TMEM131: variants seen among roughly 807,000 people sequenced by gnomAD.
TMEM131 encodes the protein 2610524E03Rik.
In TMEM131, 66 loss-of-function variants were observed where a neutral mutation model predicts 211.6. The observed-to-expected ratio is 0.31, with a 90% CI of 0.26 to 0.38. TMEM131 has a LOEUF of 0.38. Ranked by LOEUF, TMEM131 falls within the 10% of genes least tolerant of loss-of-function variation. The probability of loss-of-function intolerance (pLI) is 1.00; values close to 1 mark genes in which losing one functional copy is unlikely to be tolerated. For synonymous variants in TMEM131, 844 were observed against 841.3 expected, an observed-to-expected ratio of 1.00 and a Z score of -0.06; for missense variants, 2,036 against 2,299.3, an observed-to-expected ratio of 0.89 and a Z score of 2.34.
chr2:97,929,772 G>C (rs1677142485), intron 1 of TMEM131, among the ~76,000 whole-genome samples: 1 of 151,750 alleles, frequency 6.6e-6, no homozygotes, highest in South Asian at 2.1e-4. Flanking sequence ...AAGCATGAAT[G>C]ATGTCCCACC....
intron 8 of TMEM131, 107 bp from the exon 9 acceptor site, chr2:97,835,032 C>T: frequency 8.7e-7 from 1 of 1,146,552 alleles, no homozygotes; most frequent in Non-Finnish European, 1.2e-6. Context: ...ATTCTATATA[C>T]CTATTAATAA....
At chr2:97,838,270 C>A (rs892755977) in intron 7 of TMEM131, among the ~76,000 whole-genome samples, 15 of 151,816 alleles carry the variant, frequency 9.9e-5, no homozygotes, top group Non-Finnish European at 1.8e-4. Flanking sequence ...GGTAAGCTAA[C>A]CCTAATTCTT....
chr2:97,919,327 A>G (rs919251793), intron 2 of TMEM131, among the ~76,000 whole-genome samples: 7 of 152,224 alleles, frequency 4.6e-5, no homozygotes, highest in Admixed American at 6.5e-5. Context: ...CCTTTGGCAC[A>G]AATTTTCTGG....
At chr2:97,959,615 ACAC>A (rs778150364) in intron 1 of TMEM131, among the ~76,000 whole-genome samples, 6 of 152,128 alleles carry the variant, frequency 3.9e-5, no homozygotes, top group Admixed American at 6.5e-5. Flanking sequence ...CAGGCTACAG[ACAC>A]CACAACACTT....
intron 3 of TMEM131, among the ~76,000 whole-genome samples, chr2:97,903,038 T>C (rs1327175264): frequency 6.6e-6 from 1 of 152,216 alleles, no homozygotes; most frequent in East Asian, 1.9e-4. Context: ...CTAACAGTTC[T>C]GTCCCTCTAA....
intron 5 of TMEM131, among the ~76,000 whole-genome samples, chr2:97,849,374 C>T (rs1683590234): frequency 6.6e-6 from 1 of 152,124 alleles, no homozygotes; most frequent in African/African-American, 2.4e-5. Flanking sequence ...AAATACTATT[C>T]CATAATAATA....
intron 33 of TMEM131, 83 bp from the exon 34 acceptor site, chr2:97,766,685 C>A: frequency 6.6e-7 from 1 of 1,525,216 alleles, no homozygotes; most frequent in South Asian, 1.2e-5. Context: ...AATTCTTCTA[C>A]AATACAACTG....
At position 97,986,629 on chromosome 2, in the gene TMEM131, A is replaced by AC. The variant is rs558009430; in HGVS notation, c.187+8846dup. Among the ~76,000 whole-genome samples, 8 of 152,242 alleles carry AC rather than the reference A, an allele frequency of 5.3e-5. No homozygotes were observed. In the South Asian group the frequency reaches 1.7e-3, roughly 32 times the overall value. ...GAAGCCACCCAGAATAATGAGGTGG[A>AC]CCCCTAAATACCTAAGAACTCCCCT... On this transcript the variant is annotated intron_variant, in intron 1 of 40. Transcript: ENST00000186436.
intron 11 of TMEM131, 96 bp from the exon 12 acceptor site, chr2:97,818,817 T>C (rs766211550): frequency 1.3e-5 from 10 of 766,274 alleles, no homozygotes; most frequent in Non-Finnish European, 2.1e-5. Flanking sequence ...AAAAGTAAAG[T>C]GGACTCTAAA....
intron 1 of TMEM131, among the ~76,000 whole-genome samples, chr2:97,933,142 T>C (rs1032592452): frequency 6.6e-6 from 1 of 152,168 alleles, no homozygotes; most frequent in African/African-American, 2.4e-5. Flanking sequence ...GTTAGCACAA[T>C]GATTAAATGG....
chr2:97,935,663 A>G (rs1234996321), intron 1 of TMEM131, among the ~76,000 whole-genome samples: 1 of 152,240 alleles, frequency 6.6e-6, no homozygotes, highest in East Asian at 1.9e-4. Flanking sequence ...AGAAGAAGAA[A>G]AAAAAGCAAC....
Position 97,995,612 on chromosome 2 carries a change from G to C in TMEM131, c.51C>G (p.Val17=). ...CCAGCCCGGCCCCGGCGGACGTGGA[G>C]ACGGCGGCGGTGGTGGCTCCGGTTG... ...GGATGATTAA[V]STSAGAGLEP... Residue 17 remains valine, a synonymous_variant, in exon 1 of 41, where the codon GTC becomes GTG. Coordinates refer to ENST00000186436, the MANE Select transcript of TMEM131 (RefSeq NM_015348.2). 3.2e-6 allele frequency: 4 copies of C among 1,240,946 alleles called. No individual in the cohort carries two copies. The highest frequency in any genetic ancestry group is 1.6e-5 in the African/African-American group (1 of 63,942). 76.9% of individuals were successfully genotyped at this position (1,240,946 alleles called of 1,614,324 possible).
At chr2:97,926,744 A>G (rs992546143) in intron 2 of TMEM131, among the ~76,000 whole-genome samples, 12 of 152,180 alleles carry the variant, frequency 7.9e-5, no homozygotes, top group African/African-American at 2.9e-4. Flanking sequence ...TCTAGATACA[A>G]ATTAGCAGCC....
At chr2:97,992,970 A>G (rs1680328908) in intron 1 of TMEM131, among the ~76,000 whole-genome samples, 1 of 152,218 alleles carries the variant, frequency 6.6e-6, no homozygotes, top group African/African-American at 2.4e-5. Flanking sequence ...GCACACTCCC[A>G]TAGCTCAGTT....
At chr2:97,857,845 A>C in intron 5 of TMEM131, among the ~76,000 whole-genome samples, 1 of 152,230 alleles carries the variant, frequency 6.6e-6, no homozygotes, top group Non-Finnish European at 1.5e-5. Flanking sequence ...CAGCATTAGA[A>C]TTATATTGTT....
At chr2:97,980,918 C>T (rs1679759333) in intron 1 of TMEM131, among the ~76,000 whole-genome samples, 1 of 151,122 alleles carries the variant, frequency 6.6e-6, no homozygotes, top group South Asian at 2.1e-4. Flanking sequence ...CAGAAGTGGA[C>T]TATATGGAGA....
At chr2:97,824,087 C>T (rs1363376291) in intron 11 of TMEM131, among the ~76,000 whole-genome samples, 1 of 152,196 alleles carries the variant, frequency 6.6e-6, no homozygotes, top group African/African-American at 2.4e-5. Flanking sequence ...GCAGGCCAAT[C>T]ACCTGGTAGG....
intron 4 of TMEM131, among the ~76,000 whole-genome samples, chr2:97,873,665 G>A (rs999271037): frequency 2.0e-5 from 3 of 152,228 alleles, no homozygotes; most frequent in Admixed American, 2.0e-4. Flanking sequence ...GAGCCTGTCA[G>A]AAGGAAAACT....
At chr2:97,897,692 C>T (rs190372712) in intron 3 of TMEM131, among the ~76,000 whole-genome samples, 14 of 152,180 alleles carry the variant, frequency 9.2e-5, no homozygotes, top group Admixed American at 7.2e-4. Context: ...GAAGAGATGT[C>T]GCTTCTAGCT....
Sources: gnomAD v4.1 joint callset for allele counts (sites outside exome capture counted in the v4.1 genomes callset) on GRCh38, gnomAD v4.1.1 for gene constraint, MANE v1.5 for transcripts, NCBI Gene and HGNC (gene_info 2026-07-23, HGNC 2026-07-21) for gene names.